Variants in IFT88 observed in about 807,000 individuals in gnomAD.
IFT88 encodes the protein intraflagellar transport 88.
IFT88 carries 74 observed loss-of-function variants against 119.5 expected under a neutral mutation model. The ratio of observed to expected loss-of-function variants is 0.62; its 90% CI spans 0.51 to 0.75. IFT88 has a LOEUF of 0.75. Among genes scored for constraint, IFT88 ranks in the 30% least tolerant of loss-of-function variants. IFT88 has a pLI of 0.00. For synonymous variants in IFT88, 279 were observed against 316.7 expected (o/e 0.88, Z 1.26); for missense variants, 961 against 977.7 (o/e 0.98, Z 0.23).
chr13:20,653,878 C>T lies in IFT88; in HGVS notation c.1952C>T (p.Pro651Leu), dbSNP rs146456229. 1.3e-5 allele frequency: 20 copies of T among 1,567,284 alleles called. No individual in the cohort carries two copies. In the African/African-American group the frequency reaches 2.7e-4, roughly 21 times the overall value. Residue 651 changes from proline (P) to leucine (L), a missense_variant and splice_region_variant, in exon 21 of 26, where the codon CCT (proline) becomes CTT (leucine). Transcript: ENST00000351808. Reference protein sequence around the residue: ...QYFERASLIQPTQVKWQLMVA... With the variant: ...QYFERASLIQLTQVKWQLMVA... ...CATCTCATTTATTTATTTTATAGGCCTACACAAGTGAAATGGCAGCTGATG... is the reference window on the plus strand; with the variant it reads ...CATCTCATTTATTTATTTTATAGGCTTACACAAGTGAAATGGCAGCTGATG...
At chr13:20,612,053 CA>C in intron 13 of IFT88, 1 of 152,120 alleles carries the variant, frequency 6.6e-6, no homozygotes, top group African/African-American at 2.4e-5. Context: ...TGATCTTGTA[CA>C]TAGAAAATCC....
chr13:20,598,842 A>G (rs1343476058), intron 10 of IFT88, 89 bp downstream of exon 10: 1 of 772,542 alleles, frequency 1.3e-6, no homozygotes, highest in East Asian at 2.5e-5. Context: ...CTTAAAATGA[A>G]ATGATCTATG....
chr13:20,625,928 A>G (rs1352956817), intron 15 of IFT88, 79 bp downstream of exon 15: 5 of 572,282 alleles, frequency 8.7e-6, no homozygotes, highest in Non-Finnish European at 1.5e-5. Context: ...ACTCCTTTCT[A>G]GAATAATGTT....
chr13:20,605,426 T>G (rs1332820048), intron 13 of IFT88, among the ~76,000 whole-genome samples: 1 of 152,234 alleles, frequency 6.6e-6, no homozygotes, highest in Non-Finnish European at 1.5e-5. Context: ...ATTGGAACTT[T>G]GTTTATCTTA....
intron 24 of IFT88, among the ~76,000 whole-genome samples, chr13:20,685,677 C>T (rs370900291): frequency 2.6e-5 from 4 of 152,232 alleles, no homozygotes; most frequent in African/African-American, 7.2e-5. Context: ...GTCAAGAGTT[C>T]GAGACCAGCC....
chr13:20,596,306 C>T, intron 8 of IFT88, 66 bp downstream of exon 8: 3 of 633,804 alleles, frequency 4.7e-6, no homozygotes, highest in East Asian at 6.4e-5. Flanking sequence ...TTTATACATA[C>T]ACCGTATGTA....
intron 13 of IFT88, chr13:20,612,181 C>T (rs1211730276): frequency 6.6e-6 from 1 of 152,010 alleles, no homozygotes; most frequent in African/African-American, 2.4e-5. Context: ...AGCCGTGTGG[C>T]TGAGATGAAG....
intron 24 of IFT88, among the ~76,000 whole-genome samples, chr13:20,686,902 C>T (rs563283176): frequency 5.3e-4 from 80 of 151,550 alleles, no homozygotes; most frequent in African/African-American, 1.8e-3. Context: ...TGAATAGAGC[C>T]TTTTATAAGA....
intron 14 of IFT88, among the ~76,000 whole-genome samples, chr13:20,621,545 A>T (rs202131660): frequency 3.0e-4 from 5 of 16,596 alleles, no homozygotes; most frequent in Admixed American, 1.2e-3. Flanking sequence ...AAAAAAAAAA[A>T]AAAAAAAAAA....
At chr13:20,641,519 TGAG>T (rs1158396949) in intron 18 of IFT88, 121 bp downstream of exon 18, 2 of 586,056 alleles carry the variant, frequency 3.4e-6, no homozygotes, top group South Asian at 2.6e-5. Flanking sequence ...AAGTAAGTGA[TGAG>T]GATAATCTGG....
chr13:20,597,449 A>G (rs1293598888), intron 9 of IFT88, among the ~76,000 whole-genome samples: 1 of 152,156 alleles, frequency 6.6e-6, no homozygotes, highest in Non-Finnish European at 1.5e-5. Context: ...GTCTCTATTT[A>G]TTAAAAAATA....
chr13:20,627,177 A>G (rs2047476606), intron 15 of IFT88, among the ~76,000 whole-genome samples: 2 of 152,360 alleles, frequency 1.3e-5, no homozygotes, highest in African/African-American at 4.8e-5. Context: ...CATTTGAAAA[A>G]GACTTTTCAA....
intron 7 of IFT88, among the ~76,000 whole-genome samples, chr13:20,595,617 A>G (rs2041514107): frequency 6.6e-6 from 1 of 151,920 alleles, no homozygotes; most frequent in Non-Finnish European, 1.5e-5. Flanking sequence ...TGTTGTTATT[A>G]TTTTACTATT....
chr13:20,604,030 C>T (rs1156242483), intron 12 of IFT88, among the ~76,000 whole-genome samples: 1 of 152,122 alleles, frequency 6.6e-6, no homozygotes, highest in Non-Finnish European at 1.5e-5. Context: ...CATTGCTCTC[C>T]AGCCTGGATG....
At chr13:20,604,638 A>G in intron 12 of IFT88, among the ~76,000 whole-genome samples, 1 of 152,174 alleles carries the variant, frequency 6.6e-6, no homozygotes, top group East Asian at 1.9e-4. Context: ...TTTAAAACTA[A>G]TTAGTAGGGA....
intron 24 of IFT88, among the ~76,000 whole-genome samples, chr13:20,674,694 CTG>C (rs926030988): frequency 2.1e-4 from 29 of 135,662 alleles, no homozygotes; most frequent in Non-Finnish European, 3.8e-4. Flanking sequence ...TTTAAAAAAA[CTG>C]AAGTTTTATA....
intron 2 of IFT88, among the ~76,000 whole-genome samples, chr13:20,581,657 C>T (rs1407833751): frequency 6.6e-6 from 1 of 151,172 alleles, no homozygotes; most frequent in Non-Finnish European, 1.5e-5. Context: ...AGTTTGAGAC[C>T]AGCCTGGGTA....
At chr13:20,661,151 G>T (rs574188192) in intron 22 of IFT88, among the ~76,000 whole-genome samples, 1 of 152,174 alleles carries the variant, frequency 6.6e-6, no homozygotes, top group South Asian at 2.1e-4. Context: ...ACTGAAAAAT[G>T]TGCAAAGTGC....
At chr13:20,675,823 T>A (rs2056592155) in intron 24 of IFT88, among the ~76,000 whole-genome samples, 1 of 152,256 alleles carries the variant, frequency 6.6e-6, no homozygotes, top group African/African-American at 2.4e-5. Flanking sequence ...CTAACCATTT[T>A]AAAATGTACA....
Sources: allele counts gnomAD v4.1 joint callset (sites outside exome capture counted in the v4.1 genomes callset), GRCh38; gene constraint gnomAD v4.1.1; transcripts MANE v1.5; gene names NCBI Gene and HGNC (gene_info 2026-07-23, HGNC 2026-07-21).